The following SNX29 variants were observed in gnomAD, a reference collection of about 807,000 sequenced individuals.
SNX29 encodes sorting nexin-29.
SNX29 carries 78 observed loss-of-function variants against 102.1 expected under a neutral mutation model. That is an observed-to-expected ratio of 0.76 (90% CI 0.64 to 0.92). The LOEUF is 0.92. Ranked by LOEUF, SNX29 falls within the 40% of genes least tolerant of loss-of-function variation. SNX29 has a pLI of 0.00. For missense variants in SNX29, 1,280 were observed against 1,061.7 expected (o/e 1.21, Z -2.86); for synonymous variants, 580 against 414.5 (o/e 1.40, Z -4.85).
chr16:12,092,286 G>GAAGGAGGA (rs66651319), intron 11 of SNX29, among the ~76,000 whole-genome samples: 1 of 19,322 alleles, frequency 5.2e-5, no homozygotes, highest in African/African-American at 1.6e-3. Flanking sequence ...GACATTTAAA[G>GAAGGAGGA]AAGGAAGGAA....
chr16:12,548,640 G>A (rs1354184603), intron 20 of SNX29, among the ~76,000 whole-genome samples: 1 of 152,166 alleles, frequency 6.6e-6, no homozygotes, highest in African/African-American at 2.4e-5. Context: ...GCTCTTCAGG[G>A]GCCTCATTTG....
chr16:12,504,336 A>G (rs1456369448), intron 19 of SNX29, among the ~76,000 whole-genome samples: 1 of 152,120 alleles, frequency 6.6e-6, no homozygotes, highest in Non-Finnish European at 1.5e-5. Flanking sequence ...AGTTATCACT[A>G]GGAGCAATTT....
chr16:12,062,067 A>G (rs940048676), intron 9 of SNX29, among the ~76,000 whole-genome samples: 4 of 152,198 alleles, frequency 2.6e-5, no homozygotes, highest in Non-Finnish European at 5.9e-5. Context: ...CTTGGGGATC[A>G]GGAAGTAGCT....
In SNX29 at chr16:12,570,187, C is replaced by G; in HGVS notation, c.*1558C>G. 2.8e-6 allele frequency: 3 copies of G among 1,065,280 alleles called. No individual in the cohort carries two copies. Among genetic ancestry groups the G allele is most frequent in the Non-Finnish European group, 3.4e-6 (3 of 879,138 alleles). 66.0% of individuals were successfully genotyped at this position (1,065,280 alleles called of 1,614,324 possible). A position where few individuals can be genotyped will look rare whatever the true frequency, so the allele number is the denominator to read the frequency against. ...CCCCACCCCAGAGAAACCGAGTCAG[C>G]CTACATGACTTCCAAGGGGACCTGG... On this transcript the variant is annotated 3_prime_UTR_variant, in exon 21 of 21. Coordinates refer to ENST00000566228, the MANE Select transcript of SNX29 (RefSeq NM_032167.5).
At chr16:12,449,933 A>T (rs184363523) in intron 18 of SNX29, among the ~76,000 whole-genome samples, 2 of 152,248 alleles carry the variant, frequency 1.3e-5, no homozygotes, top group East Asian at 3.9e-4. Context: ...TAGCTTCCAT[A>T]ATTCCCCACG....
At position 12,569,129 on chromosome 16, in the gene SNX29, G is replaced by C. The variant is rs1302046809; in HGVS notation, c.*500G>C. 1.2e-3 allele frequency: 151 copies of C among 128,686 alleles called. 4 individuals are homozygous for C. The South Asian group carries it at 0.013, about 11-fold the overall frequency. 8.0% of individuals were successfully genotyped at this position (128,686 alleles called of 1,614,324 possible). A position where few individuals can be genotyped will look rare whatever the true frequency, so the allele number is the denominator to read the frequency against. On this transcript the variant is annotated 3_prime_UTR_variant, in exon 21 of 21. Transcript: ENST00000566228. Reference sequence around the variant, plus strand: ...TAGGGATGGCTGGCTTTGCGGGGGGGGGGGGGGGGGGGGGCATGGTTCCTT... The same window carrying C: ...TAGGGATGGCTGGCTTTGCGGGGGGCGGGGGGGGGGGGGGCATGGTTCCTT...
intron 11 of SNX29, among the ~76,000 whole-genome samples, chr16:12,105,219 CCCTCCCTCCCTT>C (rs1263331450): frequency 4.7e-4 from 67 of 141,870 alleles, no homozygotes; most frequent in South Asian, 1.5e-3. Context: ...CTCCCTCCCT[CCCTCCCTCCCTT>C]CCTTCCTTCC....
chr16:11,977,098 C>T, intron 1 of SNX29: 1 of 365,826 alleles, frequency 2.7e-6, no homozygotes. Context: ...TCCTGCGATC[C>T]CCTTGCCTAG....
At chr16:12,535,847 C>T (rs1214388407) in intron 20 of SNX29, among the ~76,000 whole-genome samples, 1 of 152,110 alleles carries the variant, frequency 6.6e-6, no homozygotes, top group African/African-American at 2.4e-5. Flanking sequence ...CTTAGATCGG[C>T]CATGGGAGCC....
intron 18 of SNX29, among the ~76,000 whole-genome samples, chr16:12,414,475 A>G (rs2084542017): frequency 6.6e-6 from 1 of 152,224 alleles, no homozygotes; most frequent in Non-Finnish European, 1.5e-5. Context: ...TGTGGTCTCC[A>G]TATCCCATCT....
rs762185279 is a variant in SNX29, at chr16:12,475,217, C to T, written c.2038-2502C>T. Among the ~76,000 whole-genome samples, 79 of 152,272 alleles carry T rather than the reference C, an allele frequency of 5.2e-4. 1 individual carries two copies. Among genetic ancestry groups the T allele is most frequent in the Admixed American group, 2.6e-3 (39 of 15,292 alleles). ...TCAGGGGTTCCTGAAATTGCCCACT[C>T]GTCAGAATCACTGGAGAAGCTTTGG... On this transcript the variant is annotated intron_variant, in intron 18 of 20. Transcript: ENST00000566228.
In SNX29 at chr16:12,002,987, G is replaced by A. The variant is rs2056340980; in HGVS notation, c.70-4G>A. The A allele has an allele frequency of 6.2e-7, 1 of 1,614,182 alleles. No homozygotes were observed. Among genetic ancestry groups the A allele is most frequent in the African/African-American group, 1.3e-5 (1 of 75,056 alleles). On this transcript the variant is annotated splice_polypyrimidine_tract_variant and splice_region_variant and intron_variant, in intron 2 of 20. Coordinates refer to ENST00000566228, the MANE Select transcript of SNX29 (RefSeq NM_032167.5). ...TGATCTCAGCAGCTTCTTTTTCTGT[G>A]CAGTGCCAGATCCGCTTTGGAGGGA...
intron 11 of SNX29, among the ~76,000 whole-genome samples, chr16:12,085,364 T>C (rs1408692080): frequency 1.3e-5 from 2 of 152,226 alleles, no homozygotes; most frequent in African/African-American, 2.4e-5. Context: ...TCTCGCTCTG[T>C]TGGCCAGGCT....
chr16:12,213,190 G>A (rs573267074), intron 14 of SNX29, among the ~76,000 whole-genome samples: 3 of 152,226 alleles, frequency 2.0e-5, no homozygotes, highest in Admixed American at 1.3e-4. Flanking sequence ...GCAGCCACTT[G>A]GATGGAACTA....
intron 3 of SNX29, among the ~76,000 whole-genome samples, chr16:12,007,791 C>T (rs911101217): frequency 6.6e-6 from 1 of 152,216 alleles, no homozygotes; most frequent in Non-Finnish European, 1.5e-5. Context: ...CAGATTCCCT[C>T]ACCTCATGCT....
rs778297655 is a variant in SNX29 at position 12,027,363 on chromosome 16, G to A, written c.166G>A (p.Gly56Ser). The change falls in exon 4 of 21, where the codon GGC becomes AGC. Residue 56 changes from glycine to serine, a missense_variant. Gly to Ser is a moderately conservative substitution (Grantham distance 56). Coordinates refer to ENST00000566228, the MANE Select transcript of SNX29 (RefSeq NM_032167.5). The part of the protein sequence containing the change: ...CAQFEAVLQH[G>S]LKRSRGLALT... ...CCAGTTTGAAGCCGTCCTGCAGCAT[G>A]GCTTGAAGAGGAGTCGAGGATTGGC... 6 of 1,614,116 alleles carry A rather than the reference G, an allele frequency of 3.7e-6. No homozygotes were observed. The highest frequency in any genetic ancestry group is 5.1e-6 in the Non-Finnish European group (6 of 1,179,996).
chr16:12,254,196 T>A (rs899240760), intron 14 of SNX29, among the ~76,000 whole-genome samples: 1 of 152,004 alleles, frequency 6.6e-6, no homozygotes, highest in African/African-American at 2.4e-5. Context: ...AAGAGTTCAG[T>A]TAGTATGCCG....
Position 12,528,588 on chromosome 16 carries a change from ATCTCCTGTTG to A in SNX29, c.2318+3755_2318+3764del, listed in dbSNP as rs1217685529. Among the ~76,000 whole-genome samples, 31 of 151,922 alleles carry A rather than the reference ATCTCCTGTTG, an allele frequency of 2.0e-4. No individual in the cohort carries two copies. The South Asian group carries it at 6.3e-3, about 31-fold the overall frequency. On this transcript the variant is annotated intron_variant, in intron 20 of 20. Transcript: ENST00000566228. ...GATGCCCCGTGTCCACTGAACCCCC[ATCTCCTGTTG>A]TCTCCTGGGCACTGAGCCAGCATCC...
rs567793457 is a variant in SNX29, at chr16:12,188,637, A to G, written c.1596-10964A>G. ...TATGCAATACAGGGGCCAGTGTGCC[A>G]TTCTGAGTGGGATTTACCAGGTGGC... On this transcript the variant is annotated intron_variant, in intron 13 of 20. Transcript: ENST00000566228. Among the ~76,000 whole-genome samples, 39 of 152,300 alleles carry G rather than the reference A, an allele frequency of 2.6e-4. 1 individual carries two copies. In the East Asian group the frequency reaches 4.2e-3, roughly 17 times the overall value.
Sources: allele counts gnomAD v4.1 joint callset (sites outside exome capture counted in the v4.1 genomes callset), GRCh38; gene constraint gnomAD v4.1.1; transcripts MANE v1.5; gene names NCBI Gene and HGNC (gene_info 2026-07-23, HGNC 2026-07-21).